GRM4: variants seen among roughly 807,000 people sequenced by gnomAD.
The protein encoded by GRM4 is metabotropic glutamate receptor 4.
A neutral mutation model predicts 81.7 loss-of-function variants in GRM4; 28 were observed. The ratio of observed to expected loss-of-function variants is 0.34; its 90% confidence interval spans 0.25 to 0.47. The LOEUF is 0.47. Among genes scored for constraint, GRM4 ranks in the 20% least tolerant of loss-of-function variants. The pLI, the probability that GRM4 is intolerant of heterozygous loss-of-function variation, is 1.00. For synonymous variants in GRM4, 488 were observed against 528.8 expected (o/e 0.92, Z 1.06); for missense variants, 948 against 1,290.0 (o/e 0.73, Z 4.06).
chr6:34,067,666 A>G (rs1205271903), intron 3 of GRM4, among the ~76,000 whole-genome samples: 1 of 150,256 alleles, frequency 6.7e-6, no homozygotes, highest in South Asian at 2.1e-4. Flanking sequence ...TTCCTGGTAT[A>G]GTCAGTCCCT....
intron 9 of GRM4, among the ~76,000 whole-genome samples, chr6:34,030,131 G>GCT (rs1764340937): frequency 6.6e-6 from 1 of 152,252 alleles, no homozygotes; most frequent in Non-Finnish European, 1.5e-5. Context: ...GGGTGAGAAG[G>GCT]CAGGAAGAAG....
Position 34,133,759 on chromosome 6 carries a change from G to C in GRM4, c.-263C>G. The C allele has an allele frequency of 8.1e-7, 1 of 1,238,712 alleles. No individual in the cohort carries two copies. Among genetic ancestry groups the C allele is most frequent in the Non-Finnish European group, 1.0e-6 (1 of 991,996 alleles). 76.7% of individuals were successfully genotyped at this position (1,238,712 alleles called of 1,614,324 possible). ...CTCTGATCCTTGTCCCGTCCTGCAG[G>C]CCTGTTCTCGGTGGATGACTGTGGA... On this transcript the variant is annotated 5_prime_UTR_variant, in exon 2 of 11. Transcript: ENST00000538487. This position sits in a 1 kb window ranked among gnomAD's most constrained non-coding sequence, Gnocchi z 6.5.
Position 34,040,280 on chromosome 6 carries a change from A to C in GRM4, c.1404T>G (p.Asn468Lys). The change falls in exon 8 of 11, where the codon AAT becomes AAG. Residue 468 changes from asparagine to lysine, a missense_variant. Asn to Lys is a moderately conservative substitution (Grantham distance 94). Transcript: ENST00000538487. The stretch of plus-strand genomic sequence containing the variant: ...TGTCATAGCGCCCAGGCGCATCTCC[A>C]TTCTCATTGAAGGTCACAGGGTTCC... Reference protein sequence around the residue: ...IAGNPVTFNENGDAPGRYDIY... With the variant: ...IAGNPVTFNEKGDAPGRYDIY... The C allele has an allele frequency of 6.2e-7, 1 of 1,614,196 alleles. No individual in the cohort carries two copies. The highest frequency in any genetic ancestry group is 1.3e-5 in the African/African-American group (1 of 75,062).
rs1182136399 is a variant in GRM4 at position 34,136,595 on chromosome 6, CACACACACACGG to C, written c.-363-2748_-363-2737del. Among the ~76,000 whole-genome samples, 2 of 151,626 alleles carry C rather than the reference CACACACACACGG, an allele frequency of 1.3e-5. No individual in the cohort carries two copies. The highest frequency in any genetic ancestry group is 4.8e-5 in the African/African-American group (2 of 41,254). ...ACACACACACACACACACACACACACACACACACACGGGGAAGGACAGATGCCATGGGGGAAG... is the reference window on the plus strand; with the variant it reads ...ACACACACACACACACACACACACACGGAAGGACAGATGCCATGGGGGAAG... On this transcript the variant is annotated intron_variant, in intron 1 of 10. Coordinates refer to ENST00000538487, the MANE Select transcript of GRM4 (RefSeq NM_000841.4). This position sits in a 1 kb window ranked among gnomAD's most constrained non-coding sequence, Gnocchi z 4.1.
Position 34,098,440 on chromosome 6 carries a change from G to T in GRM4, c.520-6341C>A, listed in dbSNP as rs143902697. On this transcript the variant is annotated intron_variant, in intron 2 of 10. Coordinates refer to ENST00000538487, the MANE Select transcript of GRM4 (RefSeq NM_000841.4). ...TCTGCTCTTTCTGTTCCACCCATGG[G>T]CCAGGCCAGGCCACCACAGATTGAG... is the stretch of plus-strand genomic sequence containing the variant. Among the ~76,000 whole-genome samples the T allele has an allele frequency of 2.1e-3, 326 of 152,264 alleles. 3 individuals are homozygous for T. Among genetic ancestry groups the T allele is most frequent in the African/African-American group, 7.0e-3 (292 of 41,566 alleles).
At chr6:34,101,206 C>T (rs1768819736) in intron 2 of GRM4, among the ~76,000 whole-genome samples, 1 of 152,144 alleles carries the variant, frequency 6.6e-6, no homozygotes, top group African/African-American at 2.4e-5. Flanking sequence ...TGAGACCTAA[C>T]ACTTACTGGG....
chr6:34,143,104 G>A (rs1770761782), intron 1 of GRM4, among the ~76,000 whole-genome samples: 1 of 152,212 alleles, frequency 6.6e-6, no homozygotes, highest in Non-Finnish European at 1.5e-5. Context: ...CTAAGGTGCG[G>A]GGTGTGGGGG....
At chr6:34,127,994 G>GGGAC (rs1770085895) in intron 2 of GRM4, among the ~76,000 whole-genome samples, 1 of 152,210 alleles carries the variant, frequency 6.6e-6, no homozygotes, top group African/African-American at 2.4e-5. Context: ...AGCCCAACAT[G>GGGAC]GGACGAGGGG....
At chr6:34,119,185 C>T (rs545334025) in intron 2 of GRM4, among the ~76,000 whole-genome samples, 11 of 152,308 alleles carry the variant, frequency 7.2e-5, no homozygotes. Flanking sequence ...CATTTGAGGT[C>T]AGGAGTTCAA....
At chr6:34,151,602 G>A (rs1771047420) in intron 1 of GRM4, among the ~76,000 whole-genome samples, 1 of 152,170 alleles carries the variant, frequency 6.6e-6, no homozygotes, top group Admixed American at 6.5e-5. Flanking sequence ...GGCACGGGAG[G>A]GGCGCAGTCC....
In GRM4 at chr6:34,080,078, G is replaced by A. The variant is rs1335544267; in HGVS notation, c.736+11805C>T. 2.0e-5 allele frequency among the ~76,000 whole-genome samples: 3 copies of A among 152,170 alleles called. No individual in the cohort carries two copies. Among genetic ancestry groups the A allele is most frequent in the Admixed American group, 6.5e-5 (1 of 15,272 alleles). On this transcript the variant is annotated intron_variant, in intron 3 of 10. Coordinates refer to ENST00000538487, the MANE Select transcript of GRM4 (RefSeq NM_000841.4). The surrounding 1 kb of genome is among the most constrained non-coding windows in gnomAD (Gnocchi z 5.4). ...TCACTCATTCTGCCCCTGCCTCCTG[G>A]TTATTCTCCAAATGCCGGGCAGGCA...
intron 2 of GRM4, among the ~76,000 whole-genome samples, chr6:34,119,560 C>G (rs754856869): frequency 6.6e-6 from 1 of 152,200 alleles, no homozygotes; most frequent in Non-Finnish European, 1.5e-5. Context: ...GAGGGCAATG[C>G]GGCCACGTAC....
chr6:34,052,913 C>A lies in GRM4; in HGVS notation c.1168+3631G>T, dbSNP rs1765683949. 2.0e-5 allele frequency among the ~76,000 whole-genome samples: 3 copies of A among 152,208 alleles called. No individual in the cohort carries two copies. In the South Asian group the frequency reaches 6.2e-4, roughly 32 times the overall value. On this transcript the variant is annotated intron_variant, in intron 6 of 10. Coordinates refer to ENST00000538487, the MANE Select transcript of GRM4 (RefSeq NM_000841.4). ...GGAGTTGCATCTGTGACCATCTATA[C>A]TACCCACCTTCAGGATGGCACATTC... is the stretch of plus-strand genomic sequence containing the variant.
At chr6:34,039,331 G>C in intron 8 of GRM4, among the ~76,000 whole-genome samples, 1 of 151,898 alleles carries the variant, frequency 6.6e-6, no homozygotes, top group East Asian at 1.9e-4. Flanking sequence ...ATGACAAGAG[G>C]AGACGGCGGG....
intron 2 of GRM4, among the ~76,000 whole-genome samples, chr6:34,112,984 C>T (rs1769448229): frequency 6.6e-6 from 1 of 152,240 alleles, no homozygotes; most frequent in Non-Finnish European, 1.5e-5. Flanking sequence ...AGGGTCTGTC[C>T]TTAACCATTC....
At chr6:34,029,349 A>G (rs1420589209) in intron 9 of GRM4, among the ~76,000 whole-genome samples, 1 of 152,134 alleles carries the variant, frequency 6.6e-6, no homozygotes, top group African/African-American at 2.4e-5. Flanking sequence ...GGCCCCCATG[A>G]TACCCTTCAT....
intron 6 of GRM4, 98 bp downstream of exon 6, chr6:34,056,446 C>G: frequency 8.7e-7 from 1 of 1,144,768 alleles, no homozygotes; most frequent in Non-Finnish European, 1.2e-6. Context: ...GGCCGGCCGA[C>G]GACAGACAAA....
At chr6:34,029,511 A>G (rs1764308777) in intron 9 of GRM4, among the ~76,000 whole-genome samples, 1 of 152,102 alleles carries the variant, frequency 6.6e-6, no homozygotes, top group Admixed American at 6.5e-5. Flanking sequence ...CGCTCCATAG[A>G]TGCCTCATGA....
At chr6:34,122,832 C>T (rs951496214) in intron 2 of GRM4, among the ~76,000 whole-genome samples, 1 of 152,182 alleles carries the variant, frequency 6.6e-6, no homozygotes, top group African/African-American at 2.4e-5. Context: ...TCAAGAAACT[C>T]AGAACTGTGG....
Sources: gnomAD v4.1 joint callset for allele counts (sites outside exome capture counted in the v4.1 genomes callset) on GRCh38, gnomAD v4.1.1 for gene constraint, Gnocchi (gnomAD v3.1) non-coding constraint, MANE v1.5 for transcripts, NCBI Gene and HGNC (gene_info 2026-07-23, HGNC 2026-07-21) for gene names.